Variants in MEIS1 observed in about 807,000 individuals in gnomAD.
MEIS1 encodes the protein homeobox protein Meis1.
MEIS1 carries 5 observed loss-of-function variants against 50.8 expected under a neutral mutation model. The observed-to-expected ratio is 0.10, with a 90% CI of 0.05 to 0.21. The LOEUF is 0.21. Ranked by LOEUF, MEIS1 falls within the 10% of genes least tolerant of loss-of-function variation. The probability of loss-of-function intolerance (pLI) is 1.00; values close to 1 mark genes in which losing one functional copy is unlikely to be tolerated. For missense variants in MEIS1, 318 were observed against 517.3 expected (o/e 0.61, Z 3.74); for synonymous variants, 176 against 179.3 (o/e 0.98, Z 0.15).
intron 4 of MEIS1, chr2:66,440,913 G>A: frequency 2.2e-6 from 1 of 459,312 alleles, no homozygotes; most frequent in South Asian, 4.2e-5. Flanking sequence ...GTCAGCATGT[G>A]TGCTTAAACT....
chr2:66,512,103 C>A, intron 7 of MEIS1, 46 bp from the exon 8 acceptor site: 1 of 1,496,942 alleles, frequency 6.7e-7, no homozygotes, highest in Non-Finnish European at 8.9e-7. Context: ...TTGAATAAAG[C>A]ATGTCAAGGT....
chr2:66,463,552 A>G (rs1052444504), intron 6 of MEIS1, among the ~76,000 whole-genome samples: 2 of 152,132 alleles, frequency 1.3e-5, no homozygotes, highest in Admixed American at 1.3e-4. Flanking sequence ...ATGTGAATCT[A>G]TTGTTATTCT....
intron 6 of MEIS1, among the ~76,000 whole-genome samples, chr2:66,457,607 A>G (rs1672421983): frequency 6.6e-6 from 1 of 152,176 alleles, no homozygotes; most frequent in Non-Finnish European, 1.5e-5. Context: ...TATTTGCTGA[A>G]GTCATGCACC....
chr2:66,449,447 G>A (rs1180325584), intron 6 of MEIS1, among the ~76,000 whole-genome samples: 1 of 152,056 alleles, frequency 6.6e-6, no homozygotes, highest in South Asian at 2.1e-4. Flanking sequence ...GTGTGTCCAT[G>A]TAGTGTAAAA....
At chr2:66,549,393 G>T (rs890420304) in intron 9 of MEIS1, among the ~76,000 whole-genome samples, 2 of 151,854 alleles carry the variant, frequency 1.3e-5, no homozygotes, top group Non-Finnish European at 1.5e-5. Context: ...GAGTTGTGTG[G>T]CTGCTGAGGT....
intron 6 of MEIS1, among the ~76,000 whole-genome samples, chr2:66,458,218 G>C (rs1436742203): frequency 6.6e-6 from 1 of 152,202 alleles, no homozygotes; most frequent in Non-Finnish European, 1.5e-5. Context: ...GTGAATGACT[G>C]ACTGGGAAGA....
chr2:66,512,210 G>A lies in MEIS1; in HGVS notation c.804G>A (p.Lys268=). 1 of 1,612,530 alleles carries A rather than the reference G, an allele frequency of 6.2e-7. No homozygotes were observed. Among genetic ancestry groups the A allele is most frequent in the Non-Finnish European group, 8.5e-7 (1 of 1,179,302 alleles). The change falls in exon 8 of 13, where the codon AAG becomes AAA. Residue 268 remains lysine (K), a synonymous_variant. Transcript: ENST00000272369. ...PSTGDDDDPD[K]DKKRHKKRGI... is the part of the protein sequence containing the mutation. ...CAGGTGACGATGATGACCCTGATAA[G>A]GACAAAAAGCGTCACAAAAAGCGTG...
At chr2:66,477,977 C>T (rs924127669) in intron 7 of MEIS1, among the ~76,000 whole-genome samples, 1 of 152,126 alleles carries the variant, frequency 6.6e-6, no homozygotes, top group African/African-American at 2.4e-5. Context: ...TGAAGGATAC[C>T]TTTTTACACT....
At chr2:66,556,002 G>A (rs549599480) in intron 9 of MEIS1, among the ~76,000 whole-genome samples, 30 of 152,074 alleles carry the variant, frequency 2.0e-4, no homozygotes, top group African/African-American at 7.2e-4. Flanking sequence ...AGACGCTGAG[G>A]GTTATGTTCT....
chr2:66,491,690 A>G (rs775641187), intron 7 of MEIS1, among the ~76,000 whole-genome samples: 7 of 152,324 alleles, frequency 4.6e-5, no homozygotes, highest in Non-Finnish European at 8.8e-5. Flanking sequence ...AAGAAATGCC[A>G]TAAGAACACA....
intron 1 of MEIS1, 67 bp from the exon 2 acceptor site, chr2:66,437,670 G>T: frequency 7.0e-7 from 1 of 1,434,590 alleles, no homozygotes; most frequent in East Asian, 2.3e-5. Flanking sequence ...TAAGCTCGGT[G>T]CCTTGCCGTT....
chr2:66,438,455 G>T lies in MEIS1; in HGVS notation c.239+492G>T, dbSNP rs374944583. ...ACAATAAAACCAAAGCAGGACAGTT[G>T]CAGGTCAAGCAAGGGGGAACATGTT... is the stretch of plus-strand genomic sequence containing the variant. On this transcript the variant is annotated intron_variant, in intron 2 of 12. Transcript: ENST00000272369. Among the ~76,000 whole-genome samples the T allele has an allele frequency of 4.3e-4, 66 of 152,346 alleles. No individual in the cohort carries two copies. The South Asian group carries it at 0.013, about 31-fold the overall frequency.
chr2:66,439,610 G>C (rs755004861), intron 2 of MEIS1: 1 of 1,536,856 alleles, frequency 6.5e-7, no homozygotes, highest in Non-Finnish European at 8.7e-7. Flanking sequence ...ACGCTAAACC[G>C]ATCCTCAGAT....
chr2:66,557,873 G>A (rs1333574446), intron 9 of MEIS1, among the ~76,000 whole-genome samples: 4 of 152,130 alleles, frequency 2.6e-5, no homozygotes, highest in Non-Finnish European at 4.4e-5. Flanking sequence ...AAACTTGCCG[G>A]TGAGTGGCAG....
intron 7 of MEIS1, among the ~76,000 whole-genome samples, chr2:66,482,237 A>G (rs1456195532): frequency 1.3e-5 from 2 of 152,266 alleles, no homozygotes; most frequent in East Asian, 3.9e-4. Flanking sequence ...AAATTTTTCA[A>G]ACAAATAACT....
At position 66,572,564 on chromosome 2, in the gene MEIS1, TAAAC is replaced by T. The variant is rs1287700336; in HGVS notation, c.*1360_*1363del. On this transcript the variant is annotated 3_prime_UTR_variant, in exon 13 of 13. Coordinates refer to ENST00000272369, the MANE Select transcript of MEIS1 (RefSeq NM_002398.3). The stretch of plus-strand genomic sequence containing the variant: ...AGCTAATTATACTTTTTGTTGTGGA[TAAAC>T]AAATGCTTGTTGATAGCCTTTTTCT... 1 of 152,172 alleles carries T rather than the reference TAAAC, an allele frequency of 6.6e-6. No individual in the cohort carries two copies. The highest frequency in any genetic ancestry group is 1.5e-5 in the Non-Finnish European group (1 of 68,034). 9.4% of individuals were successfully genotyped at this position (152,172 alleles called of 1,614,324 possible). A position where few individuals can be genotyped will look rare whatever the true frequency, so the allele number is the denominator to read the frequency against.
At position 66,435,433 on chromosome 2, in the gene MEIS1, G is replaced by A. The variant is rs1040365507; in HGVS notation, c.-424G>A. 3.4e-5 allele frequency: 10 copies of A among 290,604 alleles called. No individual in the cohort carries two copies. Among genetic ancestry groups the A allele is most frequent in the Non-Finnish European group, 5.6e-5 (9 of 159,944 alleles). The allele number at this position is 290,604 out of a possible 1,614,324, so 18.0% of individuals were successfully genotyped here. On this transcript the variant is annotated 5_prime_UTR_variant, in exon 1 of 13. Coordinates refer to ENST00000272369, the MANE Select transcript of MEIS1 (RefSeq NM_002398.3). ...TGTTCTGACCAGAAGAAGACAGAGC[G>A]GATGATCATTCATTCACCACGTTGA...
chr2:66,542,764 A>G (rs111744971), intron 8 of MEIS1, among the ~76,000 whole-genome samples: 12 of 152,306 alleles, frequency 7.9e-5, no homozygotes, highest in African/African-American at 2.4e-4. Flanking sequence ...AGAGTGGCCA[A>G]GGTGGTGAGG....
chr2:66,459,544 G>A (rs1672471907), intron 6 of MEIS1, among the ~76,000 whole-genome samples: 1 of 152,172 alleles, frequency 6.6e-6, no homozygotes, highest in Admixed American at 6.5e-5. Context: ...GTATGATCTG[G>A]TGGAATGGAA....
Sources: allele counts gnomAD v4.1 joint callset (sites outside exome capture counted in the v4.1 genomes callset), GRCh38; gene constraint gnomAD v4.1.1; transcripts MANE v1.5; gene names NCBI Gene and HGNC (gene_info 2026-07-23, HGNC 2026-07-21).